ADARB2: variants seen among roughly 807,000 people sequenced by gnomAD.
ADARB2 encodes the protein adenosine deaminase RNA specific B2 (inactive).
In ADARB2, 25 loss-of-function variants were observed where a neutral mutation model predicts 62.2. That is an observed-to-expected ratio of 0.40 (90% confidence interval 0.29 to 0.56). The LOEUF (loss-of-function observed/expected upper bound fraction) is 0.56, where lower values mean the gene tolerates loss of function less well. Among genes scored for constraint, ADARB2 ranks in the 20% least tolerant of loss-of-function variants. ADARB2 has a pLI of 0.43. For synonymous variants in ADARB2, 572 were observed against 500.8 expected, an observed-to-expected ratio of 1.14 and a Z score of -1.90; for missense variants, 1,071 against 1,077.4, an observed-to-expected ratio of 0.99 and a Z score of 0.08.
intron 3 of ADARB2, among the ~76,000 whole-genome samples, chr10:1,306,404 G>A (rs370110464): frequency 1.8e-4 from 28 of 151,766 alleles, no homozygotes; most frequent in East Asian, 7.8e-4. Context: ...TCAAGGAAAT[G>A]AAAGAGGATA....
intron 1 of ADARB2, among the ~76,000 whole-genome samples, chr10:1,509,531 G>A (rs1831894736): frequency 6.6e-6 from 1 of 152,206 alleles, no homozygotes; most frequent in African/African-American, 2.4e-5. Flanking sequence ...TGCCATTAGA[G>A]TTACAACTTG....
chr10:1,466,535 G>T (rs965112700), intron 1 of ADARB2, among the ~76,000 whole-genome samples: 4 of 152,142 alleles, frequency 2.6e-5, no homozygotes, highest in Non-Finnish European at 4.4e-5. Context: ...GGGAATCCTG[G>T]GGTGGGAACC....
rs542891522 is a variant in ADARB2, at chr10:1,339,228, T to G, written c.1077+23800A>C. Among the ~76,000 whole-genome samples the G allele has an allele frequency of 2.0e-4, 30 of 152,226 alleles. 2 individuals carry two copies. In the South Asian group the frequency reaches 6.0e-3, roughly 31 times the overall value. On this transcript the variant is annotated intron_variant, in intron 3 of 9. Coordinates refer to ENST00000381312, the MANE Select transcript of ADARB2 (RefSeq NM_018702.4). ...CTCTTCTCAGGTTAACCCTGCCCCATGGAAAGGGTGGGTCAAATCTGCAGT... is the reference window on the plus strand; with the variant it reads ...CTCTTCTCAGGTTAACCCTGCCCCAGGGAAAGGGTGGGTCAAATCTGCAGT...
chr10:1,488,257 G>T (rs748833249), intron 1 of ADARB2, among the ~76,000 whole-genome samples: 5 of 151,076 alleles, frequency 3.3e-5, no homozygotes, highest in Non-Finnish European at 5.9e-5. Flanking sequence ...ACATCCTACA[G>T]TTGGCACTGC....
intron 2 of ADARB2, among the ~76,000 whole-genome samples, chr10:1,376,034 C>T (rs975034965): frequency 2.6e-5 from 4 of 151,984 alleles, no homozygotes; most frequent in Non-Finnish European, 4.4e-5. Flanking sequence ...ACCCCACACA[C>T]GTGCACGTAC....
chr10:1,545,269 G>A (rs946437146), intron 1 of ADARB2, among the ~76,000 whole-genome samples: 12 of 152,152 alleles, frequency 7.9e-5, no homozygotes, highest in Non-Finnish European at 7.3e-5. Flanking sequence ...ATTCACACCA[G>A]CATCCTTCTC....
chr10:1,472,455 C>G (rs1197840838), intron 1 of ADARB2, among the ~76,000 whole-genome samples: 2 of 152,118 alleles, frequency 1.3e-5, no homozygotes. Flanking sequence ...GGGGTTCAGC[C>G]AGGTGTGACG....
chr10:1,462,838 A>G (rs1233250470), intron 1 of ADARB2, among the ~76,000 whole-genome samples: 3 of 152,114 alleles, frequency 2.0e-5, no homozygotes, highest in Admixed American at 6.5e-5. Context: ...GCATGTGTGT[A>G]TGTACATGTG....
chr10:1,350,417 C>T (rs1249615115), intron 3 of ADARB2, among the ~76,000 whole-genome samples: 1 of 152,172 alleles, frequency 6.6e-6, no homozygotes, highest in African/African-American at 2.4e-5. Flanking sequence ...GAGCTAGGTC[C>T]CAATTCTTCA....
chr10:1,581,782 G>GAC (rs1446698906), intron 1 of ADARB2, among the ~76,000 whole-genome samples: 2 of 152,062 alleles, frequency 1.3e-5, no homozygotes, highest in Non-Finnish European at 2.9e-5. Flanking sequence ...CATAGAGAGA[G>GAC]ACACAGATGC....
chr10:1,310,982 C>T (rs535101037), intron 3 of ADARB2, among the ~76,000 whole-genome samples: 1 of 152,268 alleles, frequency 6.6e-6, no homozygotes, highest in East Asian at 1.9e-4. Flanking sequence ...TTCGATTATT[C>T]ACATGATGTT....
At position 1,575,628 on chromosome 10, in the gene ADARB2, C is replaced by G. The variant is rs969002146; in HGVS notation, c.100+161423G>C. On this transcript the variant is annotated intron_variant, in intron 1 of 9. Coordinates refer to ENST00000381312, the MANE Select transcript of ADARB2 (RefSeq NM_018702.4). Reference sequence around the variant, plus strand: ...GTGCACAGCCACCCTCTCTCTCCCTCAGTCCTCAGCCTCCTCCCCACCTGC... The same window carrying G: ...GTGCACAGCCACCCTCTCTCTCCCTGAGTCCTCAGCCTCCTCCCCACCTGC... Among the ~76,000 whole-genome samples the G allele has an allele frequency of 2.0e-5, 3 of 152,222 alleles. No homozygotes were observed. The East Asian group carries it at 5.8e-4, about 29-fold the overall frequency.
intron 3 of ADARB2, among the ~76,000 whole-genome samples, chr10:1,360,225 G>A (rs565940949): frequency 2.0e-5 from 3 of 152,368 alleles, no homozygotes; most frequent in South Asian, 2.1e-4. Context: ...CTCCCTGGAC[G>A]GACTCCGGGA....
rs796770537 is a variant in ADARB2, at chr10:1,381,169, CAT to C, written c.101-2011_101-2010del. Among the ~76,000 whole-genome samples, 10 of 32,342 alleles carry C rather than the reference CAT, an allele frequency of 3.1e-4. 1 individual carries two copies. Among genetic ancestry groups the C allele is most frequent in the African/African-American group, 4.5e-4 (10 of 22,300 alleles). The allele number at this position is 32,342 out of a possible 152,430, so 21.2% of individuals were successfully genotyped here. On this transcript the variant is annotated intron_variant, in intron 1 of 9. Coordinates refer to ENST00000381312, the MANE Select transcript of ADARB2 (RefSeq NM_018702.4). ...TGGGACACACACATATATATTTGTG[CAT>C]ATACACACACACACACACACACACA...
In ADARB2 at chr10:1,216,774, CAG is replaced by C. The variant is rs944547834; in HGVS notation, c.1682+175_1682+176del. 3.4e-5 allele frequency: 29 copies of C among 859,014 alleles called. No homozygotes were observed. In the Admixed American group the frequency reaches 5.7e-4, roughly 17 times the overall value. 53.2% of individuals were successfully genotyped at this position (859,014 alleles called of 1,614,324 possible). A position where few individuals can be genotyped will look rare whatever the true frequency, so the allele number is the denominator to read the frequency against. On this transcript the variant is annotated intron_variant, in intron 7 of 9. Transcript: ENST00000381312. ...TCAGGGACTCGGGGTGCCTTGGCCT[CAG>C]GGTGTGGGACTGAACATGTGGAATG...
intron 1 of ADARB2, among the ~76,000 whole-genome samples, chr10:1,709,977 G>A (rs11250755): frequency 6.6e-6 from 1 of 152,156 alleles, no homozygotes; most frequent in Admixed American, 6.5e-5. Flanking sequence ...TTCCTTCCTG[G>A]TCATTTTATG....
intron 3 of ADARB2, among the ~76,000 whole-genome samples, chr10:1,345,182 G>A (rs1365530968): frequency 2.0e-5 from 3 of 152,132 alleles, no homozygotes; most frequent in African/African-American, 4.8e-5. Flanking sequence ...CACCTGTCAC[G>A]GTGGTCCCCC....
chr10:1,326,837 C>G (rs12358493), intron 3 of ADARB2, among the ~76,000 whole-genome samples: 2,109 of 64,660 alleles, frequency 0.033, 259 homozygotes, highest in Middle Eastern at 0.09. Flanking sequence ...AGCGCCTCCC[C>G]ACGGCCCAGC....
chr10:1,582,053 CT>C (rs2132001288), intron 1 of ADARB2, among the ~76,000 whole-genome samples: 1 of 152,320 alleles, frequency 6.6e-6, no homozygotes, highest in African/African-American at 2.4e-5. Flanking sequence ...CCGAGCAGAC[CT>C]TCTTAATCTA....
Sources: allele counts gnomAD v4.1 joint callset (sites outside exome capture counted in the v4.1 genomes callset), GRCh38; gene constraint gnomAD v4.1.1; transcripts MANE v1.5; gene names NCBI Gene and HGNC (gene_info 2026-07-23, HGNC 2026-07-21).